The following DENND5B variants were observed in gnomAD, a reference collection of about 807,000 sequenced individuals.
DENND5B encodes the protein DENN domain containing 5B, also known as DENN domain-containing protein 5B.
A neutral mutation model predicts 140.6 loss-of-function variants in DENND5B; 34 were observed. The observed-to-expected ratio is 0.24, with a 90% CI of 0.18 to 0.32. The LOEUF (loss-of-function observed/expected upper bound fraction) is 0.32, where lower values mean the gene tolerates loss of function less well. DENND5B is among the 10% of genes least tolerant of loss of function. The pLI, the probability that DENND5B is intolerant of heterozygous loss-of-function variation, is 1.00. For missense variants in DENND5B, 1,142 were observed against 1,560.2 expected (o/e 0.73, Z 4.52); for synonymous variants, 551 against 562.1 (o/e 0.98, Z 0.28).
intron 3 of DENND5B, among the ~76,000 whole-genome samples, chr12:31,468,559 C>T (rs1945385371): frequency 6.6e-6 from 1 of 152,008 alleles, no homozygotes; most frequent in Admixed American, 6.6e-5. Context: ...GTGATCCCAG[C>T]ACTTTGGGAG....
intron 4 of DENND5B, among the ~76,000 whole-genome samples, chr12:31,452,901 T>C (rs1029663225): frequency 1.3e-5 from 2 of 152,204 alleles, no homozygotes; most frequent in African/African-American, 4.8e-5. Flanking sequence ...CATTTAGGCA[T>C]TCCTATGTGG....
chr12:31,494,879 G>A (rs10843958), intron 2 of DENND5B, among the ~76,000 whole-genome samples: 86,276 of 151,960 alleles, frequency 0.57, 24,930 homozygotes, highest in East Asian at 0.82. Flanking sequence ...CTGCTTGCTC[G>A]GGCCTGCTCC....
chr12:31,426,438 G>A lies in DENND5B; in HGVS notation c.2107-14C>T, dbSNP rs754860043. ...TTGCATATATTTCTAAAAAATCAAGGAGTATTTTTAATGCGTAAACATTAG... is the reference window on the plus strand; with the variant it reads ...TTGCATATATTTCTAAAAAATCAAGAAGTATTTTTAATGCGTAAACATTAG... On this transcript the variant is annotated splice_polypyrimidine_tract_variant and intron_variant, in intron 8 of 20. Transcript: ENST00000389082. 2 of 1,604,774 alleles carry A rather than the reference G, an allele frequency of 1.2e-6. No individual in the cohort carries two copies. The highest frequency in any genetic ancestry group is 1.3e-5 in the African/African-American group (1 of 74,606).
intron 7 of DENND5B, among the ~76,000 whole-genome samples, chr12:31,440,176 ATTTT>A (rs1195536262): frequency 1.3e-5 from 2 of 151,760 alleles, no homozygotes; most frequent in African/African-American, 4.8e-5. Flanking sequence ...CTATTAGCAC[ATTTT>A]TTTTCTTTTT....
At chr12:31,473,286 A>C (rs1301811532) in intron 3 of DENND5B, among the ~76,000 whole-genome samples, 1 of 152,228 alleles carries the variant, frequency 6.6e-6, no homozygotes, top group African/African-American at 2.4e-5. Context: ...ATAATATATT[A>C]AAGTGTTAAG....
intron 2 of DENND5B, among the ~76,000 whole-genome samples, chr12:31,495,089 T>G (rs182361678): frequency 6.6e-6 from 1 of 152,196 alleles, no homozygotes; most frequent in Admixed American, 6.5e-5. Flanking sequence ...ATCTTTACAC[T>G]GTCTGTAAAA....
In DENND5B at chr12:31,413,980, T is replaced by G. The variant is rs115239586; in HGVS notation, c.2553-416A>C. 9.5e-3 allele frequency among the ~76,000 whole-genome samples: 1,449 copies of G among 152,306 alleles called. 26 individuals are homozygous for G. The highest frequency in any genetic ancestry group is 0.033 in the African/African-American group (1,372 of 41,548). ...AATTAAATATCAGTCACAACTTTAA[T>G]CCACTGAATTACTTTTCAAGTTGCA... On this transcript the variant is annotated intron_variant, in intron 12 of 20. Transcript: ENST00000389082.
At position 31,590,728 on chromosome 12, in the gene DENND5B, C is replaced by T; in HGVS notation, c.105G>A (p.Gly35=). The change falls in exon 1 of 21, where the codon GGG becomes GGA. Residue 35 remains glycine (G), a synonymous_variant. Coordinates refer to ENST00000389082, the MANE Select transcript of DENND5B (RefSeq NM_144973.4). ...FVLCGIDADS[G]LEPDELAGEN... ...TACCCGCCAGCTCGTCAGGCTCCAG[C>T]CCGCTGTCCGCGTCGATCCCGCACA... 1 of 1,476,690 alleles carries T rather than the reference C, an allele frequency of 6.8e-7. No individual in the cohort carries two copies. Among genetic ancestry groups the T allele is most frequent in the Non-Finnish European group, 8.9e-7 (1 of 1,119,882 alleles). 91.5% of individuals were successfully genotyped at this position (1,476,690 alleles called of 1,614,324 possible).
chr12:31,469,772 T>C (rs1051699544), intron 3 of DENND5B, among the ~76,000 whole-genome samples: 1 of 152,142 alleles, frequency 6.6e-6, no homozygotes, highest in African/African-American at 2.4e-5. Context: ...TTTTTCACTC[T>C]TACTTTCCAT....
chr12:31,492,827 T>C (rs1223964501), intron 2 of DENND5B, among the ~76,000 whole-genome samples: 1 of 152,366 alleles, frequency 6.6e-6, no homozygotes, highest in African/African-American at 2.4e-5. Context: ...GTGTTCTACA[T>C]AATATCTATA....
intron 1 of DENND5B, among the ~76,000 whole-genome samples, chr12:31,498,251 A>G (rs1946864406): frequency 6.6e-6 from 1 of 152,190 alleles, no homozygotes; most frequent in Non-Finnish European, 1.5e-5. Flanking sequence ...ACCTATCATA[A>G]AACTCCTTGC....
chr12:31,473,875 G>T (rs935505794), intron 3 of DENND5B, among the ~76,000 whole-genome samples: 1 of 152,184 alleles, frequency 6.6e-6, no homozygotes, highest in Non-Finnish European at 1.5e-5. Context: ...CACATATAGG[G>T]AGCCTCTTTT....
Position 31,574,893 on chromosome 12 carries a change from C to A in DENND5B, c.127+15813G>T, listed in dbSNP as rs79647743. Among the ~76,000 whole-genome samples, 1,448 of 152,230 alleles carry A rather than the reference C, an allele frequency of 9.5e-3. 26 individuals are homozygous for A. The highest frequency in any genetic ancestry group is 0.033 in the African/African-American group (1,370 of 41,530). On this transcript the variant is annotated intron_variant, in intron 1 of 20. Coordinates refer to ENST00000389082, the MANE Select transcript of DENND5B (RefSeq NM_144973.4). ...CTGCCAGTGAAAAAATGAAGCACTGCCAGACAGGAGTGAGAATGACCAAAC... is the reference window on the plus strand; with the variant it reads ...CTGCCAGTGAAAAAATGAAGCACTGACAGACAGGAGTGAGAATGACCAAAC...
chr12:31,499,668 A>C, intron 1 of DENND5B: 1 of 1,484,470 alleles, frequency 6.7e-7, no homozygotes, highest in Non-Finnish European at 8.9e-7. Flanking sequence ...CCATTGGTAC[A>C]AAACTACATA....
At chr12:31,587,692 G>C in intron 1 of DENND5B, among the ~76,000 whole-genome samples, 1 of 151,836 alleles carries the variant, frequency 6.6e-6, no homozygotes, top group Non-Finnish European at 1.5e-5. Context: ...GGATATTACA[G>C]GCATGTGCCA....
At chr12:31,498,932 C>T (rs1428506556) in intron 1 of DENND5B, among the ~76,000 whole-genome samples, 2 of 144,850 alleles carry the variant, frequency 1.4e-5, no homozygotes, top group Non-Finnish European at 3.0e-5. Flanking sequence ...AAGATCACAC[C>T]ACCGCACTCT....
At chr12:31,404,292 GTTTT>G (rs1185547366) in intron 14 of DENND5B, among the ~76,000 whole-genome samples, 2 of 152,066 alleles carry the variant, frequency 1.3e-5, no homozygotes, top group Admixed American at 6.6e-5. Flanking sequence ...TACATTTCTG[GTTTT>G]TTGTTTGTTG....
At chr12:31,543,554 G>C (rs57013523) in intron 1 of DENND5B, among the ~76,000 whole-genome samples, 22,630 of 152,064 alleles carry the variant, frequency 0.15, 1,878 homozygotes, top group East Asian at 0.25. Context: ...TGAGAAATTA[G>C]AAAAAGGTTA....
intron 3 of DENND5B, among the ~76,000 whole-genome samples, chr12:31,475,236 G>A (rs1945743108): frequency 6.6e-6 from 1 of 152,070 alleles, no homozygotes; most frequent in African/African-American, 2.4e-5. Context: ...TTAGTGAATG[G>A]TTATAAATTT....
Sources: gnomAD v4.1 joint callset for allele counts (sites outside exome capture counted in the v4.1 genomes callset) on GRCh38, gnomAD v4.1.1 for gene constraint, MANE v1.5 for transcripts, NCBI Gene and HGNC (gene_info 2026-07-23, HGNC 2026-07-21) for gene names.